Variants in ZNF708 observed in about 807,000 individuals in gnomAD.
ZNF708 encodes the protein zinc finger protein 708.
ZNF708 carries 44 observed loss-of-function variants against 47.0 expected under a neutral mutation model. That is an observed-to-expected ratio of 0.94 (90% CI 0.74 to 1.20). The LOEUF is 1.20. ZNF708 is among the 50% of genes most tolerant of loss of function. The pLI, the probability that ZNF708 is intolerant of heterozygous loss-of-function variation, is 0.00. For missense variants in ZNF708, 557 were observed against 656.0 expected, an observed-to-expected ratio of 0.85 and a Z score of 1.65; for synonymous variants, 184 against 218.5, an observed-to-expected ratio of 0.84 and a Z score of 1.39.
At position 21,293,121 on chromosome 19, in the gene ZNF708, G is replaced by C; in HGVS notation, c.*153C>G. 5.0e-6 allele frequency: 5 copies of C among 1,009,854 alleles called. No homozygotes were observed. The highest frequency in any genetic ancestry group is 7.4e-6 in the Non-Finnish European group (5 of 671,206). 62.6% of individuals were successfully genotyped at this position (1,009,854 alleles called of 1,614,324 possible). A position where few individuals can be genotyped will look rare whatever the true frequency, so the allele number is the denominator to read the frequency against. ...TTTGCCACATTCTTTACATTTGTAG[G>C]GTTTCTCTCTAGTATGAATTATCTT... On this transcript the variant is annotated 3_prime_UTR_variant, in exon 4 of 4. Coordinates refer to ENST00000356929, the MANE Select transcript of ZNF708 (RefSeq NM_021269.3).
At chr19:21,329,130 T>G in intron 1 of ZNF708, 80 bp downstream of exon 1, 3 of 1,588,434 alleles carry the variant, frequency 1.9e-6, no homozygotes, top group Non-Finnish European at 2.6e-6. Flanking sequence ...CTGCGGGGAG[T>G]CCTGAGTCCC....
chr19:21,296,503 A>AAAAT lies in ZNF708; in HGVS notation c.227-1768_227-1765dup, dbSNP rs1380662527. 6.4e-4 allele frequency among the ~76,000 whole-genome samples: 97 copies of AAAAT among 152,120 alleles called. 1 individual carries two copies. The highest frequency in any genetic ancestry group is 3.5e-3 in the Admixed American group (53 of 15,284). ...GGCAACAAGAGCGAAACTCCTTCTC[A>AAAAT]AAATAAATAAATAAATAAATAAAAA... On this transcript the variant is annotated intron_variant, in intron 3 of 3. Transcript: ENST00000356929.
At chr19:21,324,294 G>A (rs1314972005) in intron 1 of ZNF708, among the ~76,000 whole-genome samples, 5 of 151,964 alleles carry the variant, frequency 3.3e-5, no homozygotes, top group Non-Finnish European at 5.9e-5. Context: ...TTGGCTGGGC[G>A]CAGTGGCTTA....
intron 1 of ZNF708, among the ~76,000 whole-genome samples, chr19:21,325,363 T>G (rs920332138): frequency 1.3e-5 from 2 of 152,132 alleles, no homozygotes; most frequent in African/African-American, 4.8e-5. Flanking sequence ...GGTTTAAAAA[T>G]AGGCACATAG....
chr19:21,298,960 A>G (rs1972599228), intron 3 of ZNF708, among the ~76,000 whole-genome samples: 2 of 152,264 alleles, frequency 1.3e-5, no homozygotes, highest in Non-Finnish European at 1.5e-5. Context: ...AGTCACAAAA[A>G]GACAGAGATT....
intron 1 of ZNF708, among the ~76,000 whole-genome samples, chr19:21,324,970 T>C (rs972460408): frequency 8.5e-5 from 13 of 152,056 alleles, no homozygotes; most frequent in African/African-American, 3.1e-4. Context: ...ACATTTCCCC[T>C]ATTCTTTTTC....
Position 21,293,315 on chromosome 19 carries a change from T to C in ZNF708, c.1651A>G (p.Lys551Glu). 6.2e-7 allele frequency: 1 copy of C among 1,612,394 alleles called. No individual in the cohort carries two copies. The highest frequency in any genetic ancestry group is 8.5e-7 in the Non-Finnish European group (1 of 1,179,070). ...FNQSPNLTKH[K>E]RIHTKEKPYK... is the part of the protein sequence containing the mutation. ...GGTTTCTCTTTGGTATGAATTCTCT[T>C]ATGTTTAGTAAGGTTTGGGGACTGG... The change falls in exon 4 of 4, where the codon AAG (lysine) becomes GAG (glutamate). Residue 551 changes from lysine to glutamate, a missense_variant. Coordinates refer to ENST00000356929, the MANE Select transcript of ZNF708 (RefSeq NM_021269.3).
Position 21,292,908 on chromosome 19 carries a change from A to C in ZNF708, c.*366T>G, listed in dbSNP as rs1022910547. On this transcript the variant is annotated 3_prime_UTR_variant, in exon 4 of 4. Coordinates refer to ENST00000356929, the MANE Select transcript of ZNF708 (RefSeq NM_021269.3). ...GTAAGAATTATCTTACCTACAATCA[A>C]GTGTGACAATCATTTAAAGATTTTG... The C allele has an allele frequency of 1.5e-5, 3 of 199,200 alleles. No homozygotes were observed. In the East Asian group the frequency reaches 4.1e-4, roughly 27 times the overall value. The allele number at this position is 199,200 out of a possible 1,614,324, so 12.3% of individuals were successfully genotyped here.
intron 1 of ZNF708, among the ~76,000 whole-genome samples, chr19:21,325,815 C>A (rs1599693959): frequency 6.6e-6 from 1 of 152,150 alleles, no homozygotes; most frequent in East Asian, 1.9e-4. Context: ...ACAATCTATA[C>A]GTCTGACAAA....
intron 3 of ZNF708, among the ~76,000 whole-genome samples, chr19:21,307,318 C>T (rs374698169): frequency 3.3e-5 from 5 of 151,926 alleles, no homozygotes; most frequent in African/African-American, 9.7e-5. Flanking sequence ...ATCCCAGAAC[C>T]CTGGCAGCCC....
chr19:21,296,279 T>C lies in ZNF708; in HGVS notation c.227-1540A>G, dbSNP rs1277132916. Among the ~76,000 whole-genome samples the C allele has an allele frequency of 2.6e-5, 4 of 152,006 alleles. No individual in the cohort carries two copies. In the East Asian group the frequency reaches 7.7e-4, roughly 29 times the overall value. ...ACTTTGGAAGGCCGAGGCGGGCGGA[T>C]CACCTGAGGTCAGAAGTTCGAGACC... On this transcript the variant is annotated intron_variant, in intron 3 of 3. Transcript: ENST00000356929.
At chr19:21,327,446 C>T (rs1279842867) in intron 1 of ZNF708, among the ~76,000 whole-genome samples, 1 of 151,268 alleles carries the variant, frequency 6.6e-6, no homozygotes, top group Admixed American at 6.6e-5. Context: ...GCAGGAGAAT[C>T]GCTTGAACCT....
Position 21,303,326 on chromosome 19 carries a change from G to A in ZNF708, c.226+5920C>T, listed in dbSNP as rs190755391. On this transcript the variant is annotated intron_variant, in intron 3 of 3. Transcript: ENST00000356929. ...CCAGCATTTTGGGAGGCCAAGGTGG[G>A]TGGATCACTTGAGGCCAGGAATTTG... Among the ~76,000 whole-genome samples the A allele has an allele frequency of 2.0e-5, 3 of 152,324 alleles. No homozygotes were observed. The East Asian group carries it at 5.8e-4, about 29-fold the overall frequency.
intron 3 of ZNF708, among the ~76,000 whole-genome samples, chr19:21,299,772 CA>C (rs11311903): frequency 0.25 from 27,912 of 109,976 alleles, 2,556 homozygotes; most frequent in Middle Eastern, 0.28. Flanking sequence ...GACTCCATCT[CA>C]AAAAAAAAAA....
chr19:21,313,812 G>C (rs189430093), intron 1 of ZNF708, among the ~76,000 whole-genome samples: 1 of 151,030 alleles, frequency 6.6e-6, no homozygotes, highest in East Asian at 1.9e-4. Context: ...ACAGATGAGA[G>C]GATTACAGAA....
chr19:21,297,260 ATATATATATATTTTTTTTTTTTT>A (rs1251191915), intron 3 of ZNF708, among the ~76,000 whole-genome samples: 9 of 15,230 alleles, frequency 5.9e-4, no homozygotes, highest in African/African-American at 1.7e-3. Flanking sequence ...ATATATATAT[ATATATATATATTTTTTTTTTTTT>A]TTTTTTTTTT....
intron 1 of ZNF708, chr19:21,327,877 G>T: frequency 2.2e-6 from 1 of 448,114 alleles, no homozygotes; most frequent in Non-Finnish European, 3.2e-6. Flanking sequence ...CAAGGGGTTA[G>T]CTTTTCAAAG....
At chr19:21,324,112 C>T (rs1265283577) in intron 1 of ZNF708, among the ~76,000 whole-genome samples, 2 of 150,630 alleles carry the variant, frequency 1.3e-5, no homozygotes, top group Non-Finnish European at 2.9e-5. Flanking sequence ...GGCGTGGTGG[C>T]GGGCACTTGT....
At chr19:21,318,768 C>G (rs1356170998) in intron 1 of ZNF708, 1 of 152,108 alleles carries the variant, frequency 6.6e-6, no homozygotes, top group Non-Finnish European at 1.5e-5. Flanking sequence ...TATATGTGAG[C>G]TTGCCGCATA....
Sources: gnomAD v4.1 joint callset for allele counts (sites outside exome capture counted in the v4.1 genomes callset) on GRCh38, gnomAD v4.1.1 for gene constraint, MANE v1.5 for transcripts, NCBI Gene and HGNC (gene_info 2026-07-23, HGNC 2026-07-21) for gene names.